The following CTSB variants were observed in gnomAD, a reference collection of about 807,000 sequenced individuals.
The protein encoded by CTSB is cathepsin B.
CTSB carries 57 observed loss-of-function variants against 44.3 expected under a neutral mutation model. The observed-to-expected ratio is 1.29, with a 90% confidence interval of 1.04 to 1.60. CTSB has a LOEUF of 1.60. Ranked by LOEUF, CTSB falls within the 40% of genes most tolerant of loss-of-function variation. CTSB has a pLI of 0.00. For missense variants in CTSB, 768 were observed against 443.0 expected, an observed-to-expected ratio of 1.73 and a Z score of -6.59; for synonymous variants, 320 against 168.0, an observed-to-expected ratio of 1.91 and a Z score of -7.00.
At chr8:11,849,303 C>G in intron 4 of CTSB, 139 bp from the exon 5 acceptor site, 2 of 579,080 alleles carry the variant, frequency 3.5e-6, no homozygotes, top group South Asian at 2.0e-5. Context: ...TCCTGGGGCT[C>G]AAACTCAGCT....
intron 6 of CTSB, 22 bp from the exon 7 acceptor site, chr8:11,847,844 C>T (rs751320720): frequency 2.7e-5 from 42 of 1,579,828 alleles, no homozygotes; most frequent in African/African-American, 4.1e-5. Context: ...CGGGAGAAAG[C>T]GGAGTCAACC....
intron 2 of CTSB, 98 bp downstream of exon 2, chr8:11,853,231 C>T: frequency 6.6e-7 from 1 of 1,516,790 alleles, no homozygotes; most frequent in East Asian, 2.3e-5. Context: ...GGACAATGTT[C>T]TGTGGGCCAC....
At chr8:11,848,916 TCTCGGAGTCTCC>T in intron 5 of CTSB, 118 bp downstream of exon 5, 2 of 642,042 alleles carry the variant, frequency 3.1e-6, no homozygotes, top group Non-Finnish European at 5.4e-6. Context: ...CCTGCCAGAC[TCTCGGAGTCTCC>T]CCGAAACACT....
chr8:11,848,374 C>CG, intron 5 of CTSB: 1 of 662,236 alleles, frequency 1.5e-6, no homozygotes, highest in Middle Eastern at 2.4e-4. Flanking sequence ...CACAAAGATC[C>CG]GGGAGAAGAC....
Position 11,844,436 on chromosome 8 carries a change from G to C in CTSB, c.*689C>G, listed in dbSNP as rs141613348. 1.3e-5 allele frequency: 2 copies of C among 152,304 alleles called. No homozygotes were observed. The highest frequency in any genetic ancestry group is 6.5e-5 in the Admixed American group (1 of 15,296). 9.4% of individuals were successfully genotyped at this position (152,304 alleles called of 1,614,324 possible). A position where few individuals can be genotyped will look rare whatever the true frequency, so the allele number is the denominator to read the frequency against. ...CTCCTAAACTATTTTCCTTGTGGTAGTAGAGATCAGTGGGTCAGAAACAAC... is the reference window on the plus strand; with the variant it reads ...CTCCTAAACTATTTTCCTTGTGGTACTAGAGATCAGTGGGTCAGAAACAAC... On this transcript the variant is annotated 3_prime_UTR_variant, in exon 10 of 10. Transcript: ENST00000353047.
At chr8:11,865,949 G>A (rs1817070367) in intron 1 of CTSB, among the ~76,000 whole-genome samples, 1 of 149,766 alleles carries the variant, frequency 6.7e-6, no homozygotes, top group African/African-American at 2.5e-5. Context: ...AACATGAGAG[G>A]CGGAGGTGGC....
intron 1 of CTSB, among the ~76,000 whole-genome samples, chr8:11,854,355 G>C (rs113105154): frequency 2.0e-5 from 3 of 152,112 alleles, no homozygotes; most frequent in Admixed American, 6.5e-5. Context: ...ACAGGACTGC[G>C]GTGTCAGTGC....
Position 11,853,330 on chromosome 8 carries a change from T to A in CTSB, c.125A>T (p.Gln42Leu), listed in dbSNP as rs2131059073. Reference protein sequence around the residue: ...NYVNKRNTTWQAGHNFYNVDM... With the variant: ...NYVNKRNTTWLAGHNFYNVDM... ...ATAGGACGCAGCCCCACAGCCTACCTGCCACGTGGTATTCCGTTTGTTGAC... is the reference window on the plus strand; with the variant it reads ...ATAGGACGCAGCCCCACAGCCTACCAGCCACGTGGTATTCCGTTTGTTGAC... The change falls in exon 2 of 10, where the codon CAG becomes CTG. Residue 42 changes from glutamine (Q) to leucine (L), a missense_variant and splice_region_variant. By Grantham distance (113) the Gln-to-Leu change is moderately radical (BLOSUM62 -2). Transcript: ENST00000353047. 3.7e-6 allele frequency: 6 copies of A among 1,613,270 alleles called. No homozygotes were observed. Among genetic ancestry groups the A allele is most frequent in the Non-Finnish European group, 5.1e-6 (6 of 1,179,776 alleles).
chr8:11,862,255 C>T (rs1448818127), intron 1 of CTSB: 1 of 151,950 alleles, frequency 6.6e-6, no homozygotes, highest in Admixed American at 6.6e-5. Flanking sequence ...CAGCTAGGTC[C>T]TGTTTTCCTC....
rs747940576 is a variant in CTSB, at chr8:11,853,351, T to C, written c.104A>G (p.Asn35Ser). Residue 35 changes from asparagine (N) to serine (S), a missense_variant, in exon 2 of 10, where the codon AAC becomes AGC. Transcript: ENST00000353047. ...PLSDELVNYVNKRNTTWQAGH... is the reference protein window; with the variant it reads ...PLSDELVNYVSKRNTTWQAGH... ...TACCTGCCACGTGGTATTCCGTTTG[T>C]TGACATAGTTGACCAGCTCATCCGA... The C allele has an allele frequency of 2.5e-6, 4 of 1,613,244 alleles. No homozygotes were observed. Among genetic ancestry groups the C allele is most frequent in the African/African-American group, 2.7e-5 (2 of 74,640 alleles).
At chr8:11,847,902 C>T in intron 6 of CTSB, 80 bp from the exon 7 acceptor site, 7 of 1,447,126 alleles carry the variant, frequency 4.8e-6, no homozygotes, top group South Asian at 1.3e-5. Context: ...CTCGTGCCTG[C>T]AGCATGGACG....
chr8:11,858,037 G>C (rs1815799766), intron 1 of CTSB: 1 of 152,228 alleles, frequency 6.6e-6, no homozygotes, highest in Non-Finnish European at 1.5e-5. Context: ...CTTGGGGTCT[G>C]ACCTTCCCCA....
At chr8:11,861,672 G>C (rs1164876517) in intron 1 of CTSB, among the ~76,000 whole-genome samples, 1 of 152,224 alleles carries the variant, frequency 6.6e-6, no homozygotes, top group Non-Finnish European at 1.5e-5. Flanking sequence ...CCCCATTTCT[G>C]TTACTGACTT....
rs2131000773 is a variant in CTSB at position 11,847,259 on chromosome 8, T to G, written c.677-91A>C. On this transcript the variant is annotated intron_variant, in intron 7 of 9. Transcript: ENST00000353047. ...AGCCAGTCACTGATTTCTGGTGGCC[T>G]CCAGGGGAAGACTGCATCTAAGGGG... 8.4e-6 allele frequency: 7 copies of G among 832,920 alleles called. No homozygotes were observed. In the South Asian group the frequency reaches 1.0e-4, roughly 12 times the overall value. 51.6% of individuals were successfully genotyped at this position (832,920 alleles called of 1,614,324 possible).
chr8:11,850,749 C>A, intron 4 of CTSB, 117 bp downstream of exon 4: 1 of 630,152 alleles, frequency 1.6e-6, no homozygotes. Flanking sequence ...AACTGGGACT[C>A]AGAAAGTTTC....
Position 11,843,998 on chromosome 8 carries a change from A to T in CTSB, c.*1127T>A, listed in dbSNP as rs561479796. 6.6e-6 allele frequency: 1 copy of T among 152,192 alleles called. No individual in the cohort carries two copies. Among genetic ancestry groups the T allele is most frequent in the African/African-American group, 2.4e-5 (1 of 41,418 alleles). 9.4% of individuals were successfully genotyped at this position (152,192 alleles called of 1,614,324 possible). A position where few individuals can be genotyped will look rare whatever the true frequency, so the allele number is the denominator to read the frequency against. On this transcript the variant is annotated 3_prime_UTR_variant, in exon 10 of 10. Transcript: ENST00000353047. Reference sequence around the variant, plus strand: ...CAGTGAGCTGAGAAGGCGCCACTGCACTCCAGCCTGGGAGACGGAATCTCA... The same window carrying T: ...CAGTGAGCTGAGAAGGCGCCACTGCTCTCCAGCCTGGGAGACGGAATCTCA...
At chr8:11,848,310 C>T (rs748209252) in intron 5 of CTSB, 158 bp from the exon 6 acceptor site, 10 of 707,222 alleles carry the variant, frequency 1.4e-5, no homozygotes, top group Admixed American at 4.0e-5. Context: ...CTCCAAGGGA[C>T]GCTCCCTAGA....
At chr8:11,865,716 G>C (rs1384167820) in intron 1 of CTSB, 1 of 151,320 alleles carries the variant, frequency 6.6e-6, no homozygotes, top group Non-Finnish European at 1.5e-5. Flanking sequence ...CCAGATTTAA[G>C]AAAATTACCC....
At chr8:11,861,781 T>C (rs1816453226) in intron 1 of CTSB, among the ~76,000 whole-genome samples, 1 of 152,222 alleles carries the variant, frequency 6.6e-6, no homozygotes, top group African/African-American at 2.4e-5. Flanking sequence ...TCCTTTGAGA[T>C]TGCAATGAGA....
Sources: allele counts gnomAD v4.1 joint callset (sites outside exome capture counted in the v4.1 genomes callset), GRCh38; gene constraint gnomAD v4.1.1; transcripts MANE v1.5; gene names NCBI Gene and HGNC (gene_info 2026-07-23, HGNC 2026-07-21).